CDK5RAP2: variants seen among roughly 807,000 people sequenced by gnomAD.
CDK5RAP2 encodes the protein CDK5 regulatory subunit associated protein 2, also known as CDK5 regulatory subunit-associated protein 2.
CDK5RAP2 carries 147 observed loss-of-function variants against 232.9 expected under a neutral mutation model. The observed-to-expected ratio is 0.63, with a 90% CI of 0.55 to 0.72. The LOEUF (loss-of-function observed/expected upper bound fraction) is 0.72. CDK5RAP2 is among the 30% of genes least tolerant of loss of function. The pLI is 0.00. For synonymous variants in CDK5RAP2, 833 were observed against 833.7 expected, an observed-to-expected ratio of 1.00 and a Z score of 0.01; for missense variants, 2,195 against 2,231.5, an observed-to-expected ratio of 0.98 and a Z score of 0.33.
chr9:120,398,609 C>A (rs949243203), intron 35 of CDK5RAP2, among the ~76,000 whole-genome samples: 7 of 152,138 alleles, frequency 4.6e-5, no homozygotes, highest in African/African-American at 1.7e-4. Flanking sequence ...TATATACTTG[C>A]TAAGTCAAAT....
chr9:120,424,878 T>A (rs1336162610), intron 25 of CDK5RAP2, among the ~76,000 whole-genome samples: 1 of 151,990 alleles, frequency 6.6e-6, no homozygotes, highest in Non-Finnish European at 1.5e-5. Flanking sequence ...TTTTTTGTAT[T>A]TTTAGTAGAG....
chr9:120,391,885 G>A (rs2032017268), intron 36 of CDK5RAP2, among the ~76,000 whole-genome samples: 1 of 152,188 alleles, frequency 6.6e-6, no homozygotes, highest in Non-Finnish European at 1.5e-5. Context: ...GACTCCTTGG[G>A]ATGAGCTGCA....
chr9:120,546,236 A>AT (rs1554779803), intron 4 of CDK5RAP2, among the ~76,000 whole-genome samples: 3 of 152,206 alleles, frequency 2.0e-5, no homozygotes, highest in African/African-American at 7.2e-5. Flanking sequence ...TTAAAAAAAA[A>AT]TAAAACATGT....
intron 32 of CDK5RAP2, among the ~76,000 whole-genome samples, chr9:120,405,151 C>T (rs1408281579): frequency 6.6e-6 from 1 of 152,184 alleles, no homozygotes; most frequent in African/African-American, 2.4e-5. Context: ...AGGTCAGCTC[C>T]ATAGAGCTGG....
chr9:120,577,246 C>A lies in CDK5RAP2; in HGVS notation c.59+2674G>T, dbSNP rs145355592. On this transcript the variant is annotated intron_variant, in intron 1 of 37. Coordinates refer to ENST00000349780, the MANE Select transcript of CDK5RAP2 (RefSeq NM_018249.6). The stretch of plus-strand genomic sequence containing the variant: ...GCGTAGTGGGGCATGCCTGTAGTCC[C>A]GGCCACTAAGTGGCTGAACCATGAG... Among the ~76,000 whole-genome samples, 346 of 152,054 alleles carry A rather than the reference C, an allele frequency of 2.3e-3. 2 individuals carry two copies. The highest frequency in any genetic ancestry group is 8.0e-3 in the African/African-American group (331 of 41,490).
At chr9:120,475,033 A>G (rs1293143080) in intron 15 of CDK5RAP2, among the ~76,000 whole-genome samples, 1 of 152,200 alleles carries the variant, frequency 6.6e-6, no homozygotes, top group Non-Finnish European at 1.5e-5. Context: ...AAATCTTACC[A>G]TTTACTGAGT....
intron 21 of CDK5RAP2, among the ~76,000 whole-genome samples, chr9:120,451,710 G>A (rs2036488344): frequency 6.6e-6 from 1 of 152,034 alleles, no homozygotes. Flanking sequence ...CCAGACTTTA[G>A]TTTATATCCC....
intron 30 of CDK5RAP2, 25 bp from the exon 31 acceptor site, chr9:120,408,493 A>G (rs749343479): frequency 6.2e-7 from 1 of 1,613,924 alleles, no homozygotes; most frequent in Non-Finnish European, 8.5e-7. Flanking sequence ...CAGGCATGAG[A>G]AGGACAGGTT....
rs185463664 is a variant in CDK5RAP2 at position 120,500,009 on chromosome 9, G to T, written c.1312-8532C>A. On this transcript the variant is annotated intron_variant, in intron 12 of 37. Transcript: ENST00000349780. ...GTTTAAGAGAATAAAGTCAAGAAAA[G>T]TTTTTTGTTTTGTTTCATTTAAAGT... 7.5e-4 allele frequency among the ~76,000 whole-genome samples: 114 copies of T among 152,292 alleles called. 1 individual carries two copies. Among genetic ancestry groups the T allele is most frequent in the Admixed American group, 7.3e-3 (112 of 15,308 alleles).
At position 120,527,766 on chromosome 9, in the gene CDK5RAP2, C is replaced by T. The variant is rs777872280; in HGVS notation, c.999+40G>A. ...GGGTAGGACAGGCCAGTCATAGAAG[C>T]TAATAAAGAAAAATCTTACTTCAAG... On this transcript the variant is annotated intron_variant, in intron 10 of 37. Transcript: ENST00000349780. 3.1e-6 allele frequency: 5 copies of T among 1,608,824 alleles called. No individual in the cohort carries two copies. In the South Asian group the frequency reaches 3.3e-5, roughly 11 times the overall value.
chr9:120,513,676 T>G lies in CDK5RAP2; in HGVS notation c.1311+4751A>C, dbSNP rs148838406. On this transcript the variant is annotated intron_variant, in intron 12 of 37. Transcript: ENST00000349780. ...CTTCCTTTCTCTGTGCTCCTGTGGT[T>G]GTTTCTTCATGTCTCTATTATGGAA... 2.3e-4 allele frequency among the ~76,000 whole-genome samples: 35 copies of G among 152,386 alleles called. No individual in the cohort carries two copies. The East Asian group carries it at 6.2e-3, about 27-fold the overall frequency.
At position 120,527,842 on chromosome 9, in the gene CDK5RAP2, C is replaced by G. The variant is rs2040973549; in HGVS notation, c.963G>C (p.Gln321His). The change falls in exon 10 of 38, where the codon CAG (glutamine) becomes CAC (histidine). Residue 321 changes from glutamine to histidine, a missense_variant. Physicochemically the swap from Gln to His is conservative, Grantham distance 24 (BLOSUM62 0). Coordinates refer to ENST00000349780, the MANE Select transcript of CDK5RAP2 (RefSeq NM_018249.6). Reference sequence around the variant, plus strand: ...TTGATTTTAATGCCATGGTTAAACCCTGAATGGCTTTATCCCTCTTTAGAC... The same window carrying G: ...TTGATTTTAATGCCATGGTTAAACCGTGAATGGCTTTATCCCTCTTTAGAC... ...KNSLKRDKAIQGLTMALKSKE... is the reference protein window; with the variant it reads ...KNSLKRDKAIHGLTMALKSKE... The G allele has an allele frequency of 6.2e-7, 1 of 1,613,804 alleles. No homozygotes were observed. Among genetic ancestry groups the G allele is most frequent in the East Asian group, 2.2e-5 (1 of 44,868 alleles).
rs189364477 is a variant in CDK5RAP2 at position 120,554,206 on chromosome 9, T to C, written c.196-3304A>G. Among the ~76,000 whole-genome samples, 102 of 152,356 alleles carry C rather than the reference T, an allele frequency of 6.7e-4. 2 individuals carry two copies. Among genetic ancestry groups the C allele is most frequent in the Non-Finnish European group, 1.1e-3 (78 of 68,020 alleles). Reference sequence around the variant, plus strand: ...TGAATACATAATTATTTACTTGATATGACAGTAGGCATAAAGAAGTACACT... The same window carrying C: ...TGAATACATAATTATTTACTTGATACGACAGTAGGCATAAAGAAGTACACT... On this transcript the variant is annotated intron_variant, in intron 3 of 37. Coordinates refer to ENST00000349780, the MANE Select transcript of CDK5RAP2 (RefSeq NM_018249.6).
intron 31 of CDK5RAP2, chr9:120,407,506 AC>A: frequency 1.9e-6 from 1 of 528,142 alleles, no homozygotes; most frequent in Admixed American, 3.1e-5. Flanking sequence ...TGCACACCAA[AC>A]CCCGAAATTA....
chr9:120,497,421 TAAAAAAAAAAAAAAAAA>T (rs71385064), intron 12 of CDK5RAP2, among the ~76,000 whole-genome samples: 527 of 23,354 alleles, frequency 0.023, 34 homozygotes, highest in Non-Finnish European at 0.025. Context: ...AAAATAAATT[TAAAAAAAAAAAAAAAAA>T]AAAAAAAAAA....
Position 120,400,877 on chromosome 9 carries a change from G to T in CDK5RAP2, c.5316C>A (p.His1772Gln). The T allele has an allele frequency of 6.2e-7, 1 of 1,614,130 alleles. No homozygotes were observed. The highest frequency in any genetic ancestry group is 1.7e-5 in the Admixed American group (1 of 60,024). The change falls in exon 35 of 38, where the codon CAC becomes CAA. Residue 1772 changes from histidine (H) to glutamine (Q), a missense_variant. Physicochemically the swap from His to Gln is conservative, Grantham distance 24. Transcript: ENST00000349780. ...TCACAAACTTGCTCAGTGGTGCTGG[G>T]TGTGGACCCTACACGGGGGATATGA... ...TSQELGTKGP[H>Q]PAPLSKFVSS...
chr9:120,554,567 T>G (rs1311021770), intron 3 of CDK5RAP2, among the ~76,000 whole-genome samples: 2 of 152,222 alleles, frequency 1.3e-5, no homozygotes, highest in Admixed American at 1.3e-4. Flanking sequence ...AAAATCAATC[T>G]CATAGGTTTT....
chr9:120,571,187 A>T (rs990931778), intron 2 of CDK5RAP2, among the ~76,000 whole-genome samples: 3 of 152,156 alleles, frequency 2.0e-5, no homozygotes, highest in Non-Finnish European at 4.4e-5. Flanking sequence ...ATAAAGTAAA[A>T]GTTAATAGGT....
intron 11 of CDK5RAP2, among the ~76,000 whole-genome samples, chr9:120,523,380 A>C (rs984833298): frequency 1.3e-5 from 2 of 152,206 alleles, no homozygotes; most frequent in Non-Finnish European, 2.9e-5. Context: ...GGAAAACATA[A>C]TTTTCCTAAG....
Sources: allele counts gnomAD v4.1 joint callset (sites outside exome capture counted in the v4.1 genomes callset), GRCh38; gene constraint gnomAD v4.1.1; transcripts MANE v1.5; gene names NCBI Gene and HGNC (gene_info 2026-07-23, HGNC 2026-07-21).